The following TRPM7 variants were observed in gnomAD, a reference collection of about 807,000 sequenced individuals.
TRPM7 encodes transient receptor potential cation channel subfamily M member 7.
In TRPM7, 134 loss-of-function variants were observed where a neutral mutation model predicts 229.7. The observed-to-expected ratio is 0.58, with a 90% CI of 0.51 to 0.67. TRPM7 has a LOEUF of 0.67. Ranked by LOEUF, TRPM7 falls within the 30% of genes least tolerant of loss-of-function variation. TRPM7 has a pLI of 0.00. For synonymous variants in TRPM7, 699 were observed against 715.2 expected (o/e 0.98, Z 0.36); for missense variants, 1,901 against 2,210.0 (o/e 0.86, Z 2.80).
At chr15:50,631,989 T>C (rs1001958526) in intron 9 of TRPM7, among the ~76,000 whole-genome samples, 3 of 152,180 alleles carry the variant, frequency 2.0e-5, no homozygotes, top group Non-Finnish European at 2.9e-5. Flanking sequence ...TCAGAAATTG[T>C]AATTTAATAA....
chr15:50,673,745 G>A (rs186327365), intron 1 of TRPM7, among the ~76,000 whole-genome samples: 57 of 152,200 alleles, frequency 3.7e-4, no homozygotes, highest in Admixed American at 2.9e-3. Flanking sequence ...ACATGCGTAC[G>A]CAAGTATCTT....
intron 31 of TRPM7, among the ~76,000 whole-genome samples, chr15:50,576,267 T>C (rs1010891491): frequency 1.3e-5 from 2 of 152,146 alleles, no homozygotes; most frequent in African/African-American, 4.8e-5. Context: ...ATGTAAATAT[T>C]TTAGCAGGTC....
At position 50,609,917 on chromosome 15, in the gene TRPM7, C is replaced by T. The variant is rs372499146; in HGVS notation, c.2325G>A (p.Glu775=). The part of the protein sequence containing the change: ...ILVPPAILLL[E]YKTKAEMSHI... ...GGGACATTTCAGCCTTAGTTTTATA[C>T]TCTAACAGCAATATGGCAGGTGGAA... The change falls in exon 18 of 39, where the codon GAG becomes GAA. Residue 775 remains glutamate (E), a synonymous_variant. Coordinates refer to ENST00000646667, the MANE Select transcript of TRPM7 (RefSeq NM_017672.6). 5 of 1,611,192 alleles carry T rather than the reference C, an allele frequency of 3.1e-6. No individual in the cohort carries two copies. The Admixed American group carries it at 6.7e-5, about 22-fold the overall frequency.
intron 26 of TRPM7, among the ~76,000 whole-genome samples, chr15:50,591,362 C>T (rs867323509): frequency 2.2e-4 from 34 of 151,936 alleles, no homozygotes; most frequent in South Asian, 2.1e-4. Flanking sequence ...AGGTTTTCAA[C>T]AAGAGTTGAT....
intron 31 of TRPM7, among the ~76,000 whole-genome samples, chr15:50,577,019 G>T (rs887765888): frequency 6.6e-6 from 1 of 152,052 alleles, no homozygotes; most frequent in Non-Finnish European, 1.5e-5. Context: ...GGCAGAGGTG[G>T]GAGGAATGCT....
At chr15:50,641,065 C>T (rs2061087540) in intron 5 of TRPM7, among the ~76,000 whole-genome samples, 1 of 152,204 alleles carries the variant, frequency 6.6e-6, no homozygotes, top group Non-Finnish European at 1.5e-5. Flanking sequence ...TCTCATCCCT[C>T]ACCCAAATTA....
rs28469402 is a variant in TRPM7, at chr15:50,632,478, T to C, written c.1131+391A>G. 3.5e-3 allele frequency among the ~76,000 whole-genome samples: 533 copies of C among 152,290 alleles called. 5 individuals are homozygous for C. Among genetic ancestry groups the C allele is most frequent in the African/African-American group, 0.012 (515 of 41,572 alleles). ...AAAACTTATGCCCACATTTACATGA[T>C]TGAAACAAAGCAGCACTGATCTTTA... On this transcript the variant is annotated intron_variant, in intron 9 of 38. Coordinates refer to ENST00000646667, the MANE Select transcript of TRPM7 (RefSeq NM_017672.6).
In TRPM7 at chr15:50,567,328, T is replaced by C. The variant is rs114572205; in HGVS notation, c.5467+2559A>G. 4.0e-3 allele frequency among the ~76,000 whole-genome samples: 613 copies of C among 152,110 alleles called. 5 individuals are homozygous for C. Among genetic ancestry groups the C allele is most frequent in the African/African-American group, 0.014 (579 of 41,488 alleles). The stretch of plus-strand genomic sequence containing the variant: ...ATCTCCCAATGCTACCCCTGTCCCC[T>C]CCCCACTAAATGCTTAGTTTAAAAC... On this transcript the variant is annotated intron_variant, in intron 38 of 38. Coordinates refer to ENST00000646667, the MANE Select transcript of TRPM7 (RefSeq NM_017672.6).
intron 13 of TRPM7, among the ~76,000 whole-genome samples, chr15:50,618,117 C>A (rs1212814943): frequency 1.3e-5 from 2 of 151,584 alleles, no homozygotes; most frequent in East Asian, 3.9e-4. Context: ...TATTGAATAC[C>A]AATAATATAA....
At chr15:50,582,350 CTTT>C (rs1157749631) in intron 29 of TRPM7, 4 of 151,772 alleles carry the variant, frequency 2.6e-5, no homozygotes, top group Admixed American at 2.6e-4. Context: ...ATATTTAAAA[CTTT>C]TTTATGTCCA....
intron 2 of TRPM7, among the ~76,000 whole-genome samples, chr15:50,658,671 T>C (rs1235353689): frequency 6.6e-6 from 1 of 152,014 alleles, no homozygotes; most frequent in Non-Finnish European, 1.5e-5. Flanking sequence ...GAAGGCCACT[T>C]GGCAATACCC....
At chr15:50,616,662 T>C (rs1470495869) in intron 13 of TRPM7, among the ~76,000 whole-genome samples, 1 of 144,366 alleles carries the variant, frequency 6.9e-6, no homozygotes, top group Admixed American at 7.3e-5. Flanking sequence ...ACTCTGAATA[T>C]AGTAAAGTCA....
chr15:50,686,439 C>T, intron 1 of TRPM7, 92 bp downstream of exon 1: 1 of 1,601,512 alleles, frequency 6.2e-7, no homozygotes, highest in Non-Finnish European at 8.6e-7. Flanking sequence ...CCGCATGGAA[C>T]GCGGCTCCCC....
chr15:50,631,371 C>T, intron 10 of TRPM7, 46 bp downstream of exon 10: 1 of 1,216,458 alleles, frequency 8.2e-7, no homozygotes, highest in Non-Finnish European at 1.2e-6. Context: ...CATATACATA[C>T]ATAAAATAAA....
chr15:50,676,110 T>A (rs1024964321), intron 1 of TRPM7, among the ~76,000 whole-genome samples: 1 of 152,180 alleles, frequency 6.6e-6, no homozygotes, highest in Admixed American at 6.5e-5. Context: ...TCAAAACTCC[T>A]TAAATTATAA....
At position 50,666,231 on chromosome 15, in the gene TRPM7, G is replaced by A. The variant is rs146875904; in HGVS notation, c.4-3185C>T. Among the ~76,000 whole-genome samples, 1,213 of 152,086 alleles carry A rather than the reference G, an allele frequency of 8.0e-3. 11 individuals are homozygous for A. The highest frequency in any genetic ancestry group is 0.027 in the Middle Eastern group (8 of 294). ...CCAGGCAGATCACTTGAGTCCAGGA[G>A]TTTGAGACCAGCCTGGGCAACATGG... On this transcript the variant is annotated intron_variant, in intron 1 of 38. Transcript: ENST00000646667.
Position 50,570,106 on chromosome 15 carries a change from C to T in TRPM7, c.5358G>A (p.Lys1786=), listed in dbSNP as rs55722054. 79 of 1,610,516 alleles carry T rather than the reference C, an allele frequency of 4.9e-5. No homozygotes were observed. In the African/African-American group the frequency reaches 8.8e-4, roughly 18 times the overall value. ...TDPSVIKAEE[K]RSCDMVFGPA... is the part of the protein sequence containing the mutation. Reference sequence around the variant, plus strand: ...ATGAAATAGTTAAAACTTATTACCTCTTTTCTTCTGCTTTTATCACAGATG... The same window carrying T: ...ATGAAATAGTTAAAACTTATTACCTTTTTTCTTCTGCTTTTATCACAGATG... Residue 1786 remains lysine (K), a splice_region_variant and synonymous_variant, in exon 37 of 39, where the codon AAG becomes AAA. Transcript: ENST00000646667.
intron 13 of TRPM7, 134 bp downstream of exon 13, chr15:50,619,611 T>C (rs1206174151): frequency 1.5e-5 from 11 of 735,734 alleles, no homozygotes; most frequent in Non-Finnish European, 2.1e-5. Context: ...TCAGCCCATA[T>C]TTTATCTTGT....
chr15:50,639,574 T>C, intron 5 of TRPM7, 26 bp from the exon 6 acceptor site: 1 of 1,596,712 alleles, frequency 6.3e-7, no homozygotes, highest in Non-Finnish European at 8.5e-7. Context: ...GTTTATTCAT[T>C]TTGTTTTTTT....
Sources: allele counts gnomAD v4.1 joint callset (sites outside exome capture counted in the v4.1 genomes callset), GRCh38; gene constraint gnomAD v4.1.1; transcripts MANE v1.5; gene names NCBI Gene and HGNC (gene_info 2026-07-23, HGNC 2026-07-21).